Variants in MFSD6 observed in about 807,000 individuals in gnomAD.
MFSD6 encodes the protein major facilitator superfamily domain containing 6.
Under a neutral mutation model 56.3 loss-of-function variants are expected in MFSD6, and 26 were observed. The observed-to-expected ratio is 0.46, with a 90% CI of 0.34 to 0.64. The LOEUF is 0.64. Among genes scored for constraint, MFSD6 ranks in the 30% least tolerant of loss-of-function variants. MFSD6 has a pLI of 0.01. For missense variants in MFSD6, 750 were observed against 986.2 expected (o/e 0.76, Z 3.21); for synonymous variants, 331 against 366.9 (o/e 0.90, Z 1.12).
rs1689950086 is a variant in MFSD6, at chr2:190,500,099, C to CCATCTAGA, written c.2257_2258insCATCTAGA (p.Gln753ProfsTer130). 6.2e-7 allele frequency: 1 copy of CCATCTAGA among 1,614,078 alleles called. No homozygotes were observed. The highest frequency in any genetic ancestry group is 1.1e-5 in the South Asian group (1 of 91,086). On this transcript the variant is annotated frameshift_variant, in exon 8 of 8. Coordinates refer to ENST00000392328, the MANE Select transcript of MFSD6 (RefSeq NM_017694.4). LOFTEE classifies it low-confidence loss of function (END_TRUNC). The surrounding 1 kb of genome is among the most constrained non-coding windows in gnomAD (Gnocchi z 5.3). ...GACTCACTCTGACCCATCTAGAAAC[C>CCATCTAGA]AGCCATCCCCTGACGCAGCAGCATC...
In MFSD6 at chr2:190,500,395, AG is replaced by A; in HGVS notation, c.*179del. 1.5e-6 allele frequency: 1 copy of A among 679,646 alleles called. No homozygotes were observed. Among genetic ancestry groups the A allele is most frequent in the Non-Finnish European group, 2.4e-6 (1 of 411,734 alleles). The allele number at this position is 679,646 out of a possible 1,614,324, so 42.1% of individuals were successfully genotyped here. On this transcript the variant is annotated 3_prime_UTR_variant, in exon 8 of 8. Coordinates refer to ENST00000392328, the MANE Select transcript of MFSD6 (RefSeq NM_017694.4). The surrounding 1 kb of genome is among the most constrained non-coding windows in gnomAD (Gnocchi z 5.3). The stretch of plus-strand genomic sequence containing the variant: ...CACAGGAGCTACAGTACATATTGGC[AG>A]GAAAAGGTAAACTTTCGTAATCTCA...
At position 190,467,134 on chromosome 2, in the gene MFSD6, A is replaced by G. The variant is rs1461165832; in HGVS notation, c.1533-2624A>G. Among the ~76,000 whole-genome samples the G allele has an allele frequency of 2.0e-5, 3 of 152,232 alleles. No homozygotes were observed. Among genetic ancestry groups the G allele is most frequent in the African/African-American group, 4.8e-5 (2 of 41,454 alleles). On this transcript the variant is annotated intron_variant, in intron 3 of 7. Transcript: ENST00000392328. The surrounding 1 kb of genome is among the most constrained non-coding windows in gnomAD (Gnocchi z 5.5). ...CAACATTGTTTTATGATGGGATTAT[A>G]TTACAGTATTACTGGGGACAGCTTG...
In MFSD6 at chr2:190,489,852, C is replaced by T. The variant is rs1326966773; in HGVS notation, c.1877C>T (p.Pro626Leu). 1 of 1,613,738 alleles carries T rather than the reference C, an allele frequency of 6.2e-7. No individual in the cohort carries two copies. Among genetic ancestry groups the T allele is most frequent in the Non-Finnish European group, 8.5e-7 (1 of 1,179,806 alleles). The change falls in exon 6 of 8, where the codon CCA becomes CTA. Residue 626 changes from proline to leucine, a missense_variant. By Grantham distance (98) the Pro-to-Leu change is moderately conservative. Coordinates refer to ENST00000392328, the MANE Select transcript of MFSD6 (RefSeq NM_017694.4). The surrounding 1 kb of genome is among the most constrained non-coding windows in gnomAD (Gnocchi z 6.6). ...GCCCTGATCCAGTGGCTGGCAGTGC[C>T]AGATGAGGAAGAAGGTAATTATTTC... Reference protein sequence around the residue: ...LFALIQWLAVPDEEEDKTMLA... With the variant: ...LFALIQWLAVLDEEEDKTMLA...
chr2:190,489,672 C>A lies in MFSD6; in HGVS notation c.1793-96C>A. ...TTTCTCTGGTTTGTCTCAAGCTGTG[C>A]TTCCTTTGCTTTGATCTTTAGAAAA... On this transcript the variant is annotated intron_variant, in intron 5 of 7. Coordinates refer to ENST00000392328, the MANE Select transcript of MFSD6 (RefSeq NM_017694.4). The surrounding 1 kb of genome is among the most constrained non-coding windows in gnomAD (Gnocchi z 6.6). 1.7e-6 allele frequency: 2 copies of A among 1,156,396 alleles called. No individual in the cohort carries two copies. The highest frequency in any genetic ancestry group is 1.5e-5 in the South Asian group (1 of 65,662). The allele number at this position is 1,156,396 out of a possible 1,614,324, so 71.6% of individuals were successfully genotyped here. A position where few individuals can be genotyped will look rare whatever the true frequency, so the allele number is the denominator to read the frequency against.
In MFSD6 at chr2:190,469,728, A is replaced by AT. The variant is rs765313134; in HGVS notation, c.1533-26dup. 7.5e-5 allele frequency: 77 copies of AT among 1,025,746 alleles called. No individual in the cohort carries two copies. In the Admixed American group the frequency reaches 8.4e-4, roughly 11 times the overall value. 63.5% of individuals were successfully genotyped at this position (1,025,746 alleles called of 1,614,324 possible). A position where few individuals can be genotyped will look rare whatever the true frequency, so the allele number is the denominator to read the frequency against. On this transcript the variant is annotated intron_variant, in intron 3 of 7. Transcript: ENST00000392328. The surrounding 1 kb of genome is among the most constrained non-coding windows in gnomAD (Gnocchi z 5.3). ...AGTTTATTTTCCTTTGCTTTTTTTT[A>AT]TTTTATTTTTATTTTTTATTTTTTT... is the stretch of plus-strand genomic sequence containing the variant.
Position 190,436,772 on chromosome 2 carries a change from C to A in MFSD6, c.743C>A (p.Thr248Asn), listed in dbSNP as rs184975766. Reference sequence around the variant, plus strand: ...TTGACTTTGAACTCAAGCACAGCAACCCCTGTCTCCCCAGGAAGCGTAACC... The same window carrying A: ...TTGACTTTGAACTCAAGCACAGCAAACCCTGTCTCCCCAGGAAGCGTAACC... The part of the protein sequence containing the change: ...MDLTLNSSTA[T>N]PVSPGSVTKE... The change falls in exon 3 of 8, where the codon ACC (threonine) becomes AAC (asparagine). Residue 248 changes from threonine to asparagine, a missense_variant. Physicochemically the swap from Thr to Asn is moderately conservative, Grantham distance 65. Transcript: ENST00000392328. The surrounding 1 kb of genome is among the most constrained non-coding windows in gnomAD (Gnocchi z 5.3). The A allele has an allele frequency of 5.0e-6, 8 of 1,614,098 alleles. No individual in the cohort carries two copies. In the African/African-American group the frequency reaches 9.3e-5, roughly 19 times the overall value.
Position 190,465,979 on chromosome 2 carries a change from G to A in MFSD6, c.1533-3779G>A, listed in dbSNP as rs891979512. 2.0e-5 allele frequency among the ~76,000 whole-genome samples: 3 copies of A among 152,074 alleles called. No individual in the cohort carries two copies. Among genetic ancestry groups the A allele is most frequent in the South Asian group, 2.1e-4 (1 of 4,824 alleles). On this transcript the variant is annotated intron_variant, in intron 3 of 7. Transcript: ENST00000392328. This position sits in a 1 kb window ranked among gnomAD's most constrained non-coding sequence, Gnocchi z 4.6. The stretch of plus-strand genomic sequence containing the variant: ...TTGCAAAAAACAAACAAAAAAACTC[G>A]GAAGTTTATTTCTTCACAGTTCTGG...
intron 2 of MFSD6, among the ~76,000 whole-genome samples, chr2:190,421,153 A>G (rs1340642155): frequency 1.3e-5 from 2 of 152,204 alleles, no homozygotes; most frequent in African/African-American, 4.8e-5. Flanking sequence ...GAATTAGCAT[A>G]TGGGCATCAG....
rs983175211 is a variant in MFSD6, at chr2:190,415,058, G to C, written c.-175-234G>C. 8.5e-5 allele frequency among the ~76,000 whole-genome samples: 13 copies of C among 152,128 alleles called. No individual in the cohort carries two copies. The highest frequency in any genetic ancestry group is 1.8e-4 in the Non-Finnish European group (12 of 67,992). The stretch of plus-strand genomic sequence containing the variant: ...TATTTTCACCATAACTTATTTAACT[G>C]TCCTTATTATTGATCACTTACTTTG... On this transcript the variant is annotated intron_variant, in intron 1 of 7. Transcript: ENST00000392328. The surrounding 1 kb of genome is among the most constrained non-coding windows in gnomAD (Gnocchi z 4.5).
rs763668904 is a variant in MFSD6, at chr2:190,413,183, T to C, written c.-175-2109T>C. 2.6e-5 allele frequency among the ~76,000 whole-genome samples: 4 copies of C among 152,092 alleles called. No individual in the cohort carries two copies. Among genetic ancestry groups the C allele is most frequent in the Non-Finnish European group, 5.9e-5 (4 of 68,030 alleles). On this transcript the variant is annotated intron_variant, in intron 1 of 7. Transcript: ENST00000392328. The surrounding 1 kb of genome is among the most constrained non-coding windows in gnomAD (Gnocchi z 4.1). ...CTGCCTTGATCCATTATGATGTAAATCTAGCTGAGCCACGTGTTGATGATT... is the reference window on the plus strand; with the variant it reads ...CTGCCTTGATCCATTATGATGTAAACCTAGCTGAGCCACGTGTTGATGATT...
rs1689932316 is a variant in MFSD6, at chr2:190,499,849, G to A, written c.2173-166G>A. 12 of 1,547,292 alleles carry A rather than the reference G, an allele frequency of 7.8e-6. No individual in the cohort carries two copies. The highest frequency in any genetic ancestry group is 9.6e-6 in the Non-Finnish European group (11 of 1,144,952). ...TCTGGCAGTTGCACATAGGAAAGGA[G>A]ATGAAAGGTAAGACATTCTATCCTT... On this transcript the variant is annotated intron_variant, in intron 7 of 7. Transcript: ENST00000392328. The surrounding 1 kb of genome is among the most constrained non-coding windows in gnomAD (Gnocchi z 6.0).
At chr2:190,474,312 C>A (rs2125166727) in intron 4 of MFSD6, among the ~76,000 whole-genome samples, 1 of 152,224 alleles carries the variant, frequency 6.6e-6, no homozygotes, top group South Asian at 2.1e-4. Flanking sequence ...AATTGATAGA[C>A]CGCTAGCAAG....
At chr2:190,478,464 G>A (rs757181794) in intron 4 of MFSD6, among the ~76,000 whole-genome samples, 1 of 152,172 alleles carries the variant, frequency 6.6e-6, no homozygotes, top group Non-Finnish European at 1.5e-5. Flanking sequence ...ATAAAATCCT[G>A]CATCACAGAA....
At position 190,436,279 on chromosome 2, in the gene MFSD6, T is replaced by A; in HGVS notation, c.250T>A (p.Ser84Thr). Reference sequence around the variant, plus strand: ...TTTTTTCTTTTACTCTGCCTATGGCTCTCTCTATCCCCTTTTGCCTGTGTA... The same window carrying A: ...TTTTTTCTTTTACTCTGCCTATGGCACTCTCTATCCCCTTTTGCCTGTGTA... ...FYFFFYSAYG[S>T]LYPLLPVYYK... is the part of the protein sequence containing the mutation. The change falls in exon 3 of 8, where the codon TCT becomes ACT. Residue 84 changes from serine (S) to threonine (T), a missense_variant. Transcript: ENST00000392328. The surrounding 1 kb of genome is among the most constrained non-coding windows in gnomAD (Gnocchi z 5.3). 2 of 1,614,030 alleles carry A rather than the reference T, an allele frequency of 1.2e-6. No homozygotes were observed. Among genetic ancestry groups the A allele is most frequent in the Non-Finnish European group, 1.7e-6 (2 of 1,179,862 alleles).
Position 190,469,261 on chromosome 2 carries a change from T to C in MFSD6, c.1533-497T>C, listed in dbSNP as rs1031624029. Among the ~76,000 whole-genome samples the C allele has an allele frequency of 1.3e-5, 2 of 152,218 alleles. No homozygotes were observed. The highest frequency in any genetic ancestry group is 4.8e-5 in the African/African-American group (2 of 41,460). On this transcript the variant is annotated intron_variant, in intron 3 of 7. Transcript: ENST00000392328. This position sits in a 1 kb window ranked among gnomAD's most constrained non-coding sequence, Gnocchi z 5.3. ...TTCAATGACCTTCAGAGTCTCCTTGTGAAACTGCTTGGTATCTTGGGTATT... is the reference window on the plus strand; with the variant it reads ...TTCAATGACCTTCAGAGTCTCCTTGCGAAACTGCTTGGTATCTTGGGTATT...
intron 2 of MFSD6, among the ~76,000 whole-genome samples, chr2:190,421,494 G>GTTT (rs112787380): frequency 6.6e-6 from 1 of 152,170 alleles, no homozygotes; most frequent in Non-Finnish European, 1.5e-5. Context: ...ATGTTTACAA[G>GTTT]GTTACAAACC....
rs1017922195 is a variant in MFSD6 at position 190,489,412 on chromosome 2, C to T, written c.1793-356C>T. ...CATTTATAGCACTATTTGAGCACTG[C>T]TGTTCCAACTACAGATTAATAGTGC... On this transcript the variant is annotated intron_variant, in intron 5 of 7. Coordinates refer to ENST00000392328, the MANE Select transcript of MFSD6 (RefSeq NM_017694.4). The surrounding 1 kb of genome is among the most constrained non-coding windows in gnomAD (Gnocchi z 6.6). Among the ~76,000 whole-genome samples the T allele has an allele frequency of 6.6e-6, 1 of 152,142 alleles. No individual in the cohort carries two copies. Among genetic ancestry groups the T allele is most frequent in the African/African-American group, 2.4e-5 (1 of 41,414 alleles).
At chr2:190,435,824 C>T (rs951167473) in intron 2 of MFSD6, 153 bp from the exon 3 acceptor site, 35 of 628,560 alleles carry the variant, frequency 5.6e-5, no homozygotes, top group South Asian at 4.6e-4. Flanking sequence ...TTTTCCTTAC[C>T]GGTATTGTGT....
At position 190,489,724 on chromosome 2, in the gene MFSD6, G is replaced by T; in HGVS notation, c.1793-44G>T. ...TGATGGTTTTAGATGAGCGCTATCT[G>T]CATTTCTTGGAATTACTCTATAGAG... On this transcript the variant is annotated intron_variant, in intron 5 of 7. Coordinates refer to ENST00000392328, the MANE Select transcript of MFSD6 (RefSeq NM_017694.4). This position sits in a 1 kb window ranked among gnomAD's most constrained non-coding sequence, Gnocchi z 6.6. The T allele has an allele frequency of 6.4e-7, 1 of 1,552,412 alleles. No individual in the cohort carries two copies. Among genetic ancestry groups the T allele is most frequent in the South Asian group, 1.1e-5 (1 of 87,382 alleles).
Sources: allele counts gnomAD v4.1 joint callset (sites outside exome capture counted in the v4.1 genomes callset), GRCh38; gene constraint gnomAD v4.1.1; non-coding constraint Gnocchi (gnomAD v3.1); transcripts MANE v1.5; gene names NCBI Gene and HGNC (gene_info 2026-07-23, HGNC 2026-07-21).